Variants in ANK3 observed in about 807,000 individuals in gnomAD.
The protein encoded by ANK3 is ankyrin-3.
ANK3 carries 57 observed loss-of-function variants against 370.9 expected under a neutral mutation model. That is an observed-to-expected ratio of 0.15 (90% confidence interval 0.12 to 0.19). The LOEUF (loss-of-function observed/expected upper bound fraction) is 0.19, where lower values mean the gene tolerates loss of function less well. ANK3 is among the 10% of genes least tolerant of loss of function. The pLI is 1.00. For synonymous variants in ANK3, 1,929 were observed against 1,946.3 expected, an observed-to-expected ratio of 0.99 and a Z score of 0.23; for missense variants, 4,439 against 5,302.1, an observed-to-expected ratio of 0.84 and a Z score of 5.06.
intron 1 of ANK3, among the ~76,000 whole-genome samples, chr10:60,341,121 A>G (rs914308329): frequency 2.0e-5 from 3 of 152,146 alleles, no homozygotes; most frequent in Admixed American, 6.6e-5. Flanking sequence ...GCTGCTCCTG[A>G]GAATTCTGAT....
intron 1 of ANK3, among the ~76,000 whole-genome samples, chr10:60,381,679 A>G (rs960706105): frequency 6.6e-6 from 1 of 152,196 alleles, no homozygotes; most frequent in Non-Finnish European, 1.5e-5. Flanking sequence ...TAGGAGGGGA[A>G]GCTGGAAACT....
chr10:60,074,165 C>A lies in ANK3; in HGVS notation c.6716G>T (p.Arg2239Leu), dbSNP rs780501756. 6.2e-7 allele frequency: 1 copy of A among 1,613,974 alleles called. No individual in the cohort carries two copies. ...DHNRVLSKGM[R>L]VKEETHITTT... ...GGTTATGTGAGTCTCTTCTTTAACA[C>A]GCATGCCTTTGCTTAAAACCCGATT... The change falls in exon 37 of 44, where the codon CGT (arginine) becomes CTT (leucine). Residue 2239 changes from arginine (R) to leucine (L), a missense_variant. Arg to Leu is a moderately radical substitution (Grantham distance 102, BLOSUM62 -2). Coordinates refer to ENST00000280772, the MANE Select transcript of ANK3 (RefSeq NM_020987.5).
rs2297979 is a variant in ANK3, at chr10:60,205,867, A to G, written c.1218T>C (p.Ile406=). ...KALNGFTPLH[I]ACKKNRIKVM... is the part of the protein sequence containing the mutation. Reference sequence around the variant, plus strand: ...CTTTAATTCGATTCTTCTTGCAGGCAATATGAAGAGGGGTAAAGCCATTCT... The same window carrying G: ...CTTTAATTCGATTCTTCTTGCAGGCGATATGAAGAGGGGTAAAGCCATTCT... The change falls in exon 11 of 44, where the codon ATT becomes ATC. Residue 406 remains isoleucine (I), a synonymous_variant. Transcript: ENST00000280772. 281,983 of 1,611,316 alleles carry G rather than the reference A, an allele frequency of 0.18. 25,484 individuals carry two copies. Among genetic ancestry groups the G allele is most frequent in the African/African-American group, 0.19 (13,948 of 74,926 alleles).
chr10:60,354,875 T>C (rs1010989281), intron 1 of ANK3, among the ~76,000 whole-genome samples: 1 of 152,210 alleles, frequency 6.6e-6, no homozygotes, highest in Non-Finnish European at 1.5e-5. Context: ...TCTTTTGTAT[T>C]TTTTGATATT....
In ANK3 at chr10:60,071,885, A is replaced by T. The variant is rs865876565; in HGVS notation, c.8996T>A (p.Met2999Lys). ...ELSQKLSQSS[M>K]SKETVETQHF... Reference sequence around the variant, plus strand: ...CTGTGTCTCAACTGTCTCTTTACTCATGCTTGACTGGGACAATTTTTGTGA... The same window carrying T: ...CTGTGTCTCAACTGTCTCTTTACTCTTGCTTGACTGGGACAATTTTTGTGA... Residue 2999 changes from methionine to lysine, a missense_variant, in exon 37 of 44, where the codon ATG (methionine) becomes AAG (lysine). Physicochemically the swap from Met to Lys is moderately conservative, Grantham distance 95. Around this residue, in one of 13 missense-constraint regions of ANK3, gnomAD observed 1,601 missense variants for 1,731.7 expected, o/e 0.92. Transcript: ENST00000280772. 1 of 1,613,970 alleles carries T rather than the reference A, an allele frequency of 6.2e-7. No individual in the cohort carries two copies. Among genetic ancestry groups the T allele is most frequent in the Non-Finnish European group, 8.5e-7 (1 of 1,180,006 alleles).
chr10:60,354,196 A>G (rs145817158), intron 1 of ANK3, among the ~76,000 whole-genome samples: 127 of 152,286 alleles, frequency 8.3e-4, no homozygotes, highest in African/African-American at 3.0e-3. Context: ...CCCTTCCCCC[A>G]AGATGCATGG....
intron 2 of ANK3, among the ~76,000 whole-genome samples, chr10:60,570,014 A>G (rs1450210156): frequency 1.3e-5 from 2 of 152,142 alleles, no homozygotes; most frequent in African/African-American, 4.8e-5. Flanking sequence ...ATAAAAAGGT[A>G]TATATATATG....
intron 8 of ANK3, among the ~76,000 whole-genome samples, chr10:60,224,666 AAAAT>A (rs1162157758): frequency 6.6e-6 from 1 of 152,106 alleles, no homozygotes. Context: ...TTTCACCAGC[AAAAT>A]AAATAAATAA....
intron 1 of ANK3, among the ~76,000 whole-genome samples, chr10:60,280,948 C>G (rs1302251530): frequency 6.6e-6 from 1 of 152,152 alleles, no homozygotes; most frequent in Non-Finnish European, 1.5e-5. Flanking sequence ...TTCTTCCACC[C>G]TAAATTATGA....
chr10:60,570,797 C>T (rs1433449221), intron 2 of ANK3, among the ~76,000 whole-genome samples: 6 of 152,006 alleles, frequency 3.9e-5, no homozygotes, highest in Admixed American at 6.6e-5. Context: ...AGCAGGATAA[C>T]CTCATATGAG....
chr10:60,211,128 TAAAGTGAG>T (rs1225184922), intron 9 of ANK3, among the ~76,000 whole-genome samples: 1 of 152,126 alleles, frequency 6.6e-6, no homozygotes, highest in African/African-American at 2.4e-5. Context: ...CCTCAGAAGA[TAAAGTGAG>T]ACTTGGGGCT....
At chr10:60,535,739 A>G (rs1036456792) in intron 2 of ANK3, among the ~76,000 whole-genome samples, 2 of 152,118 alleles carry the variant, frequency 1.3e-5, no homozygotes, top group Non-Finnish European at 1.5e-5. Flanking sequence ...ATTGCACATT[A>G]TTTTTATGCA....
At chr10:60,513,034 G>A (rs902744538) in intron 2 of ANK3, among the ~76,000 whole-genome samples, 3 of 151,982 alleles carry the variant, frequency 2.0e-5, no homozygotes, top group African/African-American at 7.3e-5. Flanking sequence ...GTCTCAATGA[G>A]GAAAAATAAA....
intron 7 of ANK3, among the ~76,000 whole-genome samples, chr10:60,251,423 T>G (rs2097663430): frequency 6.6e-6 from 1 of 152,172 alleles, no homozygotes; most frequent in Non-Finnish European, 1.5e-5. Flanking sequence ...GTCTGATGGG[T>G]GCATCACTGG....
At chr10:60,395,980 G>A (rs1409035385) in intron 2 of ANK3, among the ~76,000 whole-genome samples, 1 of 152,070 alleles carries the variant, frequency 6.6e-6, no homozygotes, top group Non-Finnish European at 1.5e-5. Context: ...AATTTCACAA[G>A]TGACCCCTTG....
intron 1 of ANK3, among the ~76,000 whole-genome samples, chr10:60,346,494 T>C (rs2055530041): frequency 6.6e-6 from 1 of 152,088 alleles, no homozygotes; most frequent in Non-Finnish European, 1.5e-5. Flanking sequence ...AAAAACAATA[T>C]TATTTTTCCT....
At chr10:60,723,618 A>AAC (rs2079895722) in intron 1 of ANK3, among the ~76,000 whole-genome samples, 1 of 152,188 alleles carries the variant, frequency 6.6e-6, no homozygotes, top group Non-Finnish European at 1.5e-5. Context: ...GAATACCAGC[A>AAC]ACACCTCCAC....
intron 2 of ANK3, among the ~76,000 whole-genome samples, chr10:60,419,341 G>A (rs539653225): frequency 6.6e-6 from 1 of 151,918 alleles, no homozygotes; most frequent in Non-Finnish European, 1.5e-5. Flanking sequence ...GATCTCAGAG[G>A]CCCCTGCTCC....
intron 1 of ANK3, among the ~76,000 whole-genome samples, chr10:60,722,544 C>T (rs1205148613): frequency 6.6e-6 from 1 of 152,146 alleles, no homozygotes; most frequent in Non-Finnish European, 1.5e-5. Context: ...TTAAAGTGTT[C>T]ACTTATCACT....
Sources: allele counts gnomAD v4.1 joint callset (sites outside exome capture counted in the v4.1 genomes callset), GRCh38; gene constraint gnomAD v4.1.1; regional missense constraint gnomAD v4.1.1; transcripts MANE v1.5; gene names NCBI Gene and HGNC (gene_info 2026-07-23, HGNC 2026-07-21).